Variants in ABCA10 observed in about 807,000 individuals in gnomAD.
ABCA10 encodes the protein ATP binding cassette subfamily A member 10.
A neutral mutation model predicts 187.5 loss-of-function variants in ABCA10; 169 were observed. The ratio of observed to expected loss-of-function variants is 0.90; its 90% confidence interval spans 0.80 to 1.02. ABCA10 has a LOEUF of 1.02. Among genes scored for constraint, ABCA10 ranks in the 50% least tolerant of loss-of-function variants. The probability of loss-of-function intolerance (pLI) is 0.00; values close to 1 mark genes in which losing one functional copy is unlikely to be tolerated. For missense variants in ABCA10, 1,727 were observed against 1,812.4 expected, an observed-to-expected ratio of 0.95 and a Z score of 0.86; for synonymous variants, 574 against 601.8, an observed-to-expected ratio of 0.95 and a Z score of 0.68.
At chr17:69,191,598 T>C (rs2074460413) in intron 16 of ABCA10, among the ~76,000 whole-genome samples, 1 of 152,136 alleles carries the variant, frequency 6.6e-6, no homozygotes, top group Admixed American at 6.5e-5. Context: ...TTAGCATACA[T>C]ACACACATAC....
chr17:69,226,351 T>C (rs746290290), intron 2 of ABCA10, among the ~76,000 whole-genome samples: 3 of 152,048 alleles, frequency 2.0e-5, no homozygotes, highest in South Asian at 2.1e-4. Context: ...AATATAGATG[T>C]ATCCTTCTTC....
chr17:69,211,342 TATATATA>T (rs1433723270), intron 9 of ABCA10, among the ~76,000 whole-genome samples: 19 of 125,822 alleles, frequency 1.5e-4, no homozygotes, highest in African/African-American at 4.1e-4. Context: ...TATATATATA[TATATATA>T]TATATATATA....
Position 69,215,860 on chromosome 17 carries a change from T to C in ABCA10, c.813A>G (p.Val271=), listed in dbSNP as rs748072283. 6.2e-7 allele frequency: 1 copy of C among 1,613,348 alleles called. No homozygotes were observed. Among genetic ancestry groups the C allele is most frequent in the Admixed American group, 1.7e-5 (1 of 59,868 alleles). The part of the protein sequence containing the change: ...YRQLPLSLGW[V]LSLLSPFAFT... The stretch of plus-strand genomic sequence containing the variant: ...AGGCAAAAGGGCTAAGAAGACTTAA[T>C]ACCCATCCCAAAGATAAAGGAAGTT... The change falls in exon 8 of 39, where the codon GTA becomes GTG. Residue 271 remains valine (V), a synonymous_variant. Transcript: ENST00000690296.
intron 22 of ABCA10, among the ~76,000 whole-genome samples, chr17:69,180,880 CTA>C (rs1261351067): frequency 1.3e-5 from 2 of 152,118 alleles, no homozygotes; most frequent in Non-Finnish European, 2.9e-5. Context: ...CACATGATTT[CTA>C]TAATTTTTTC....
chr17:69,226,132 G>T (rs953141598), intron 2 of ABCA10, among the ~76,000 whole-genome samples: 2 of 152,042 alleles, frequency 1.3e-5, no homozygotes, highest in African/African-American at 4.8e-5. Flanking sequence ...TAGTGGTAAT[G>T]TAGGGAACCA....
chr17:69,214,372 G>C (rs1313423076), intron 9 of ABCA10, among the ~76,000 whole-genome samples: 2 of 151,274 alleles, frequency 1.3e-5, no homozygotes, highest in Non-Finnish European at 2.9e-5. Flanking sequence ...AAAATTAGCT[G>C]GGCGTAGTGG....
At chr17:69,183,487 T>C (rs1198113331) in intron 20 of ABCA10, among the ~76,000 whole-genome samples, 5 of 151,956 alleles carry the variant, frequency 3.3e-5, no homozygotes, top group Non-Finnish European at 7.4e-5. Context: ...CACAGATCCT[T>C]TGAAAGAGGC....
At chr17:69,233,958 G>C (rs1306470187) in intron 1 of ABCA10, 1 of 152,252 alleles carries the variant, frequency 6.6e-6, no homozygotes, top group Non-Finnish European at 1.5e-5. Flanking sequence ...TGGTAGCTAA[G>C]ATGGATGTCC....
At chr17:69,172,246 G>C (rs1314484450) in intron 25 of ABCA10, among the ~76,000 whole-genome samples, 1 of 152,040 alleles carries the variant, frequency 6.6e-6, no homozygotes, top group African/African-American at 2.4e-5. Flanking sequence ...GGTGTTATGG[G>C]CTGAATTTTG....
intron 22 of ABCA10, among the ~76,000 whole-genome samples, chr17:69,176,915 T>A (rs1187713051): frequency 6.6e-6 from 1 of 152,142 alleles, no homozygotes; most frequent in African/African-American, 2.4e-5. Context: ...TGGGTCCAAC[T>A]AAAGAGATAC....
rs187067141 is a variant in ABCA10 at position 69,184,203 on chromosome 17, T to C, written c.2497+1274A>G. Among the ~76,000 whole-genome samples, 17 of 152,196 alleles carry C rather than the reference T, an allele frequency of 1.1e-4. No homozygotes were observed. The East Asian group carries it at 3.3e-3, about 29-fold the overall frequency. ...GGAGCTGCTGCAAGCCCTGTCCAAG[T>C]ACAGTCTAAGCTCAGACGTGCCTAA... On this transcript the variant is annotated intron_variant, in intron 20 of 38. Transcript: ENST00000690296.
chr17:69,181,680 C>T (rs2074381777), intron 22 of ABCA10, among the ~76,000 whole-genome samples: 1 of 151,814 alleles, frequency 6.6e-6, no homozygotes, highest in Admixed American at 6.6e-5. Context: ...TTAGACTAAA[C>T]ATAACAGTAC....
At chr17:69,150,643 C>G (rs552481277) in intron 36 of ABCA10, among the ~76,000 whole-genome samples, 22 of 152,126 alleles carry the variant, frequency 1.4e-4, no homozygotes, top group African/African-American at 4.8e-4. Flanking sequence ...ACCACACTTA[C>G]GATTTTCCTT....
At chr17:69,235,108 G>C (rs535382203) in intron 1 of ABCA10, 1 of 152,282 alleles carries the variant, frequency 6.6e-6, no homozygotes, top group East Asian at 1.9e-4. Flanking sequence ...TATTTAAAAA[G>C]ACGATAAACA....
At chr17:69,201,955 G>C (rs928332868) in intron 9 of ABCA10, among the ~76,000 whole-genome samples, 1 of 152,062 alleles carries the variant, frequency 6.6e-6, no homozygotes, top group African/African-American at 2.4e-5. Context: ...GCTAACTTTT[G>C]TATTTTTATT....
chr17:69,193,946 GTC>G lies in ABCA10; in HGVS notation c.1387_1388del (p.Asp463HisfsTer5). ...CAATATTCTTTCTAATTTCTTCCAT[GTC>G]AGTTATTTCAGAGAGTTGAGTATTA... The part of the protein sequence containing the change: ...IYNTQLSEIT[D>X]MEEIRKNIGF... On this transcript the variant is annotated frameshift_variant, in exon 13 of 39. Transcript: ENST00000690296. LOFTEE classifies it high-confidence loss of function. 6.2e-7 allele frequency: 1 copy of G among 1,610,746 alleles called. No individual in the cohort carries two copies. Among genetic ancestry groups the G allele is most frequent in the Non-Finnish European group, 8.5e-7 (1 of 1,178,250 alleles).
At chr17:69,164,011 T>C (rs1227679832) in intron 27 of ABCA10, 63 bp downstream of exon 27, 8 of 1,331,152 alleles carry the variant, frequency 6.0e-6, no homozygotes, top group Non-Finnish European at 7.1e-6. Context: ...ATACCTTGAA[T>C]AAGATTTCAC....
chr17:69,177,322 T>C (rs1442025010), intron 22 of ABCA10, among the ~76,000 whole-genome samples: 2 of 152,210 alleles, frequency 1.3e-5, no homozygotes, highest in Non-Finnish European at 2.9e-5. Flanking sequence ...AATGCTACTA[T>C]TCTATGAAAT....
chr17:69,177,971 A>ATATATATATATATATATGTT (rs1480621345), intron 22 of ABCA10, among the ~76,000 whole-genome samples: 20 of 56,952 alleles, frequency 3.5e-4, no homozygotes, highest in Non-Finnish European at 5.1e-4. Flanking sequence ...AAAAAAAAAA[A>ATATATATATATATATATGTT]AAATATATAT....
Sources: gnomAD v4.1 joint callset for allele counts (sites outside exome capture counted in the v4.1 genomes callset) on GRCh38, gnomAD v4.1.1 for gene constraint, MANE v1.5 for transcripts, NCBI Gene and HGNC (gene_info 2026-07-23, HGNC 2026-07-21) for gene names.